MARK3: variants seen among roughly 807,000 people sequenced by gnomAD.
The protein encoded by MARK3 is microtubule affinity regulating kinase 3.
A neutral mutation model predicts 90.1 loss-of-function variants in MARK3; 46 were observed. That is an observed-to-expected ratio of 0.51 (90% confidence interval 0.40 to 0.65). MARK3 has a LOEUF of 0.65. Ranked by LOEUF, MARK3 falls within the 30% of genes least tolerant of loss-of-function variation. The probability of loss-of-function intolerance (pLI) is 0.00; values close to 1 mark genes in which losing one functional copy is unlikely to be tolerated. For synonymous variants in MARK3, 321 were observed against 332.6 expected (o/e 0.97, Z 0.38); for missense variants, 818 against 947.2 (o/e 0.86, Z 1.79).
chr14:103,502,170 A>G (rs575577656), intron 17 of MARK3, among the ~76,000 whole-genome samples: 47 of 152,252 alleles, frequency 3.1e-4, no homozygotes, highest in Non-Finnish European at 1.5e-4. Flanking sequence ...ACATCAGACC[A>G]AGGCTTACAT....
At chr14:103,395,603 C>A (rs2140506101) in intron 1 of MARK3, among the ~76,000 whole-genome samples, 1 of 152,314 alleles carries the variant, frequency 6.6e-6, no homozygotes, top group East Asian at 1.9e-4. Context: ...CCTTGGTTCA[C>A]TCCCAGGTTT....
rs571884826 is a variant in MARK3, at chr14:103,472,179, C to T, written c.1265-2814C>T. 2.4e-3 allele frequency among the ~76,000 whole-genome samples: 329 copies of T among 138,912 alleles called. 1 individual carries two copies. Among genetic ancestry groups the T allele is most frequent in the Non-Finnish European group, 3.8e-3 (247 of 65,608 alleles). 91.1% of individuals were successfully genotyped at this position (138,912 alleles called of 152,430 possible). On this transcript the variant is annotated intron_variant, in intron 12 of 17. Transcript: ENST00000429436. Reference sequence around the variant, plus strand: ...GAGCCGAGATCGAGCCACTGCACTCCAGCCTGGGCGACAGAGCGAGACTCC... The same window carrying T: ...GAGCCGAGATCGAGCCACTGCACTCTAGCCTGGGCGACAGAGCGAGACTCC...
intron 6 of MARK3, among the ~76,000 whole-genome samples, chr14:103,459,413 G>T (rs2093348210): frequency 6.6e-6 from 1 of 152,086 alleles, no homozygotes; most frequent in Non-Finnish European, 1.5e-5. Flanking sequence ...TTTCTTCCAT[G>T]GTATTTGCCT....
At chr14:103,494,767 G>T (rs1256339781) in intron 15 of MARK3, among the ~76,000 whole-genome samples, 1 of 151,900 alleles carries the variant, frequency 6.6e-6, no homozygotes, top group East Asian at 1.9e-4. Context: ...CTCCCGAGTG[G>T]CTGGGACTAC....
At chr14:103,463,325 G>A (rs564545901) in intron 7 of MARK3, among the ~76,000 whole-genome samples, 5 of 151,874 alleles carry the variant, frequency 3.3e-5, no homozygotes, top group South Asian at 2.1e-4. Flanking sequence ...CTCTGCACCC[G>A]CCCCTAGAGC....
rs570211044 is a variant in MARK3, at chr14:103,482,396, C to T, written c.1586+1906C>T. Among the ~76,000 whole-genome samples the T allele has an allele frequency of 2.6e-5, 4 of 152,166 alleles. No homozygotes were observed. In the South Asian group the frequency reaches 8.3e-4, roughly 32 times the overall value. ...ATTAACCATGTGTGGTGGCACGCGC[C>T]TGTAGTCCCAGCTACCAGGGAGACT... is the stretch of plus-strand genomic sequence containing the variant. On this transcript the variant is annotated intron_variant, in intron 14 of 17. Coordinates refer to ENST00000429436, the MANE Select transcript of MARK3 (RefSeq NM_001128918.3).
At chr14:103,490,893 G>A (rs1790837480) in intron 14 of MARK3, 36 of 1,150,694 alleles carry the variant, frequency 3.1e-5, no homozygotes, top group Non-Finnish European at 3.8e-5. Flanking sequence ...AGGTTGCTCT[G>A]TGGTCACTGC....
chr14:103,424,840 AT>A (rs931517446), intron 2 of MARK3, among the ~76,000 whole-genome samples: 8 of 152,248 alleles, frequency 5.3e-5, no homozygotes, highest in African/African-American at 2.4e-5. Flanking sequence ...GATTTATATA[AT>A]TTTTAAAACC....
At chr14:103,431,812 C>T (rs577088496) in intron 3 of MARK3, among the ~76,000 whole-genome samples, 2 of 152,262 alleles carry the variant, frequency 1.3e-5, no homozygotes, top group Admixed American at 6.5e-5. Flanking sequence ...TACCATTTGT[C>T]ATATGGAGTT....
chr14:103,501,265 G>A (rs2075649272), intron 17 of MARK3, among the ~76,000 whole-genome samples: 1 of 152,180 alleles, frequency 6.6e-6, no homozygotes, highest in African/African-American at 2.4e-5. Flanking sequence ...TGAGTGCCAG[G>A]CAGCATTCCC....
At chr14:103,434,063 A>G (rs2092656722) in intron 3 of MARK3, among the ~76,000 whole-genome samples, 2 of 152,160 alleles carry the variant, frequency 1.3e-5, no homozygotes, top group African/African-American at 4.8e-5. Context: ...TGTTCTAGCC[A>G]GAGAGAACCA....
intron 3 of MARK3, among the ~76,000 whole-genome samples, chr14:103,433,175 TC>T (rs569665906): frequency 2.7e-4 from 41 of 149,944 alleles, no homozygotes; most frequent in African/African-American, 9.5e-4. Flanking sequence ...AACCTCTGCC[TC>T]CCGGGTTCAA....
At chr14:103,477,649 AC>A (rs892706291) in intron 13 of MARK3, among the ~76,000 whole-genome samples, 1 of 149,298 alleles carries the variant, frequency 6.7e-6, no homozygotes, top group African/African-American at 2.4e-5. Flanking sequence ...TGTGCAGCCA[AC>A]ACCTGTCTTT....
Position 103,465,030 on chromosome 14 carries a change from C to T in MARK3, c.541-527C>T, listed in dbSNP as rs532345176. On this transcript the variant is annotated intron_variant, in intron 7 of 17. Transcript: ENST00000429436. Reference sequence around the variant, plus strand: ...TCGCCCAGGCTGGAGTGCAGTGGCACGATCTTGGCTCACTGCAACCTCTGC... The same window carrying T: ...TCGCCCAGGCTGGAGTGCAGTGGCATGATCTTGGCTCACTGCAACCTCTGC... Among the ~76,000 whole-genome samples the T allele has an allele frequency of 3.3e-5, 5 of 152,244 alleles. No homozygotes were observed. The South Asian group carries it at 8.3e-4, about 25-fold the overall frequency.
chr14:103,467,528 A>G, intron 11 of MARK3: 1 of 169,708 alleles, frequency 5.9e-6, no homozygotes, highest in Non-Finnish European at 1.3e-5. Context: ...ACAAAAAATT[A>G]GCTGGGCGTG....
At chr14:103,487,608 G>C (rs2093952588) in intron 14 of MARK3, among the ~76,000 whole-genome samples, 1 of 152,008 alleles carries the variant, frequency 6.6e-6, no homozygotes, top group Non-Finnish European at 1.5e-5. Flanking sequence ...TTCTTCCCCT[G>C]CTTTTCTTGG....
intron 2 of MARK3, among the ~76,000 whole-genome samples, chr14:103,420,028 A>G (rs527604209): frequency 6.6e-6 from 1 of 152,136 alleles, no homozygotes; most frequent in Non-Finnish European, 1.5e-5. Flanking sequence ...CAAGCAGACA[A>G]GGGTGAAAGA....
At chr14:103,467,236 T>C in intron 11 of MARK3, 45 bp downstream of exon 11, 1 of 847,198 alleles carries the variant, frequency 1.2e-6, no homozygotes, top group Non-Finnish European at 1.9e-6. Flanking sequence ...ATGTAATTAT[T>C]AGTTTATATA....
intron 12 of MARK3, among the ~76,000 whole-genome samples, chr14:103,470,453 C>CTT (rs1555396272): frequency 4.1e-5 from 1 of 24,186 alleles, no homozygotes; most frequent in African/African-American, 1.2e-4. Context: ...GGAACTAAAT[C>CTT]TATTTTTTTT....
Sources: gnomAD v4.1 joint callset for allele counts (sites outside exome capture counted in the v4.1 genomes callset) on GRCh38, gnomAD v4.1.1 for gene constraint, MANE v1.5 for transcripts, NCBI Gene and HGNC (gene_info 2026-07-23, HGNC 2026-07-21) for gene names.